Variants in GABBR2 observed in about 807,000 individuals in gnomAD.
The protein encoded by GABBR2 is G-protein coupled receptor 51.
A neutral mutation model predicts 105.6 loss-of-function variants in GABBR2; 23 were observed. The ratio of observed to expected loss-of-function variants is 0.22; its 90% confidence interval spans 0.16 to 0.31. The LOEUF (loss-of-function observed/expected upper bound fraction) is 0.31. GABBR2 is among the 10% of genes least tolerant of loss of function. The pLI is 1.00. For synonymous variants in GABBR2, 478 were observed against 499.7 expected (o/e 0.96, Z 0.58); for missense variants, 734 against 1,245.5 (o/e 0.59, Z 6.18).
intron 11 of GABBR2, among the ~76,000 whole-genome samples, chr9:98,383,912 T>G (rs1248772408): frequency 6.6e-6 from 1 of 152,134 alleles, no homozygotes; most frequent in Non-Finnish European, 1.5e-5. Flanking sequence ...AAAGGGTGCT[T>G]CGTTTAAGCA....
chr9:98,453,929 T>C, intron 7 of GABBR2, 52 bp downstream of exon 7: 1 of 1,224,222 alleles, frequency 8.2e-7, no homozygotes, highest in Non-Finnish European at 1.2e-6. Flanking sequence ...TCTTTTGCTT[T>C]GCATGTTTAC....
At chr9:98,579,282 T>C (rs1006104251) in intron 1 of GABBR2, among the ~76,000 whole-genome samples, 11 of 152,078 alleles carry the variant, frequency 7.2e-5, no homozygotes, top group Non-Finnish European at 1.2e-4. Flanking sequence ...GGAGCTTCCG[T>C]ATTAGAGAGA....
chr9:98,444,297 G>A (rs894453286), intron 7 of GABBR2, among the ~76,000 whole-genome samples: 1 of 152,110 alleles, frequency 6.6e-6, no homozygotes, highest in East Asian at 1.9e-4. Flanking sequence ...ATGAGTAGAG[G>A]GGGGCTGGGT....
At chr9:98,340,183 GT>G (rs796454954) in intron 13 of GABBR2, among the ~76,000 whole-genome samples, 864 of 57,806 alleles carry the variant, frequency 0.015, 4 homozygotes, top group South Asian at 0.1. Flanking sequence ...CCAGTGAGGG[GT>G]TTTTTTTTTT....
At chr9:98,683,577 T>C (rs1051765126) in intron 1 of GABBR2, among the ~76,000 whole-genome samples, 2 of 152,178 alleles carry the variant, frequency 1.3e-5, no homozygotes, top group Non-Finnish European at 2.9e-5. Flanking sequence ...GCATCCCCTC[T>C]GGCCCAGCCA....
At chr9:98,556,535 G>T (rs544904713) in intron 2 of GABBR2, among the ~76,000 whole-genome samples, 1 of 152,268 alleles carries the variant, frequency 6.6e-6, no homozygotes, top group South Asian at 2.1e-4. Flanking sequence ...TATTCCATGG[G>T]GCAGGGGGTC....
chr9:98,602,861 C>T (rs1564127814), intron 1 of GABBR2, among the ~76,000 whole-genome samples: 3 of 152,212 alleles, frequency 2.0e-5, no homozygotes, highest in African/African-American at 4.8e-5. Flanking sequence ...ATAGTCTGTA[C>T]TGGAGAGTCC....
At chr9:98,597,598 A>T (rs1485190567) in intron 1 of GABBR2, among the ~76,000 whole-genome samples, 1 of 151,970 alleles carries the variant, frequency 6.6e-6, no homozygotes, top group Non-Finnish European at 1.5e-5. Context: ...ACTCACCCAC[A>T]ACCTCATGAA....
At chr9:98,636,422 C>T (rs1022867195) in intron 1 of GABBR2, among the ~76,000 whole-genome samples, 2 of 150,006 alleles carry the variant, frequency 1.3e-5, no homozygotes, top group African/African-American at 2.4e-5. Flanking sequence ...GGAGACAGGT[C>T]ATTTCTTCAC....
chr9:98,297,608 C>T (rs1830401986), intron 17 of GABBR2, among the ~76,000 whole-genome samples: 2 of 150,372 alleles, frequency 1.3e-5, no homozygotes, highest in Admixed American at 1.3e-4. Flanking sequence ...AGCGAAACCC[C>T]GTCTCAAAAA....
chr9:98,437,562 C>T (rs1485508779), intron 7 of GABBR2, among the ~76,000 whole-genome samples: 2 of 151,702 alleles, frequency 1.3e-5, no homozygotes, highest in Non-Finnish European at 2.9e-5. Context: ...TCTATCCTTT[C>T]ATCCATCCAT....
chr9:98,507,274 C>G (rs1025533169), intron 3 of GABBR2, among the ~76,000 whole-genome samples: 12 of 152,106 alleles, frequency 7.9e-5, no homozygotes, highest in Non-Finnish European at 1.6e-4. Flanking sequence ...ATGGAGCAAC[C>G]ATCTGGGATT....
At chr9:98,610,453 C>A (rs1829489966) in intron 1 of GABBR2, among the ~76,000 whole-genome samples, 1 of 152,194 alleles carries the variant, frequency 6.6e-6, no homozygotes, top group South Asian at 2.1e-4. Context: ...ACTGTGAATG[C>A]TGCCTTATAT....
chr9:98,602,353 T>A (rs1390727118), intron 1 of GABBR2, among the ~76,000 whole-genome samples: 1 of 148,852 alleles, frequency 6.7e-6, no homozygotes, highest in Non-Finnish European at 1.5e-5. Flanking sequence ...GCACCCGTAA[T>A]CCCAGCTACT....
Position 98,696,775 on chromosome 9 carries a change from A to G in GABBR2, c.321+11642T>C, listed in dbSNP as rs571652902. ...TCCTGAGTAAACACAACCGAAGGTG[A>G]CAAGTTCTGCAAGCGACAAGTTCTC... On this transcript the variant is annotated intron_variant, in intron 1 of 18. Coordinates refer to ENST00000259455, the MANE Select transcript of GABBR2 (RefSeq NM_005458.8). 5.9e-5 allele frequency among the ~76,000 whole-genome samples: 9 copies of G among 152,332 alleles called. No homozygotes were observed. The East Asian group carries it at 1.7e-3, about 29-fold the overall frequency.
intron 1 of GABBR2, among the ~76,000 whole-genome samples, chr9:98,596,673 A>G (rs1418852072): frequency 6.6e-6 from 1 of 152,146 alleles, no homozygotes; most frequent in African/African-American, 2.4e-5. Context: ...ATTTTGGGCC[A>G]ATCTGTTGAC....
chr9:98,372,803 T>C (rs1831807855), intron 11 of GABBR2, among the ~76,000 whole-genome samples: 1 of 152,230 alleles, frequency 6.6e-6, no homozygotes, highest in Admixed American at 6.5e-5. Context: ...GTTTCAATTT[T>C]ATTTGTAAAA....
intron 3 of GABBR2, among the ~76,000 whole-genome samples, chr9:98,541,602 GCCAC>G (rs1828305742): frequency 6.6e-6 from 1 of 152,172 alleles, no homozygotes; most frequent in Non-Finnish European, 1.5e-5. Context: ...AGCCCACAGG[GCCAC>G]TGAGGGAATA....
rs117462999 is a variant in GABBR2, at chr9:98,526,090, T to G, written c.630+15783A>C. On this transcript the variant is annotated intron_variant, in intron 3 of 18. Coordinates refer to ENST00000259455, the MANE Select transcript of GABBR2 (RefSeq NM_005458.8). ...ACATAGTGGTAATTGTTGCACATTA[T>G]TGTGTATATACTGAAAACCATTTAA... 9.2e-3 allele frequency among the ~76,000 whole-genome samples: 1,398 copies of G among 152,332 alleles called. 15 individuals carry two copies. The highest frequency in any genetic ancestry group is 0.037 in the Middle Eastern group (11 of 294).
Sources: allele counts gnomAD v4.1 joint callset (sites outside exome capture counted in the v4.1 genomes callset), GRCh38; gene constraint gnomAD v4.1.1; transcripts MANE v1.5; gene names NCBI Gene and HGNC (gene_info 2026-07-23, HGNC 2026-07-21).